The following TMOD1 variants were observed in gnomAD, a reference collection of about 807,000 sequenced individuals.
TMOD1 encodes tropomodulin 1.
TMOD1 carries 17 observed loss-of-function variants against 40.6 expected under a neutral mutation model. The observed-to-expected ratio is 0.42, with a 90% CI of 0.29 to 0.63. The LOEUF (loss-of-function observed/expected upper bound fraction) is 0.63, where lower values mean the gene tolerates loss of function less well. Ranked by LOEUF, TMOD1 falls within the 20% of genes least tolerant of loss-of-function variation. The pLI, the probability that TMOD1 is intolerant of heterozygous loss-of-function variation, is 0.22. For synonymous variants in TMOD1, 181 were observed against 175.0 expected (o/e 1.03, Z -0.27); for missense variants, 391 against 447.6 (o/e 0.87, Z 1.14).
upstream of TMOD1, chr9:97,501,243 G>C (rs769277297): frequency 3.3e-5 from 5 of 152,192 alleles, no homozygotes; most frequent in African/African-American, 1.2e-4. Context: ...GCTGGGAAAC[G>C]GACGGAGCGG....
intron 1 of TMOD1, among the ~76,000 whole-genome samples, chr9:97,511,185 T>C (rs1829692311): frequency 6.6e-6 from 1 of 152,144 alleles, no homozygotes; most frequent in African/African-American, 2.4e-5. Context: ...TGTTCTGGGA[T>C]GAAGCTCATA....
chr9:97,511,957 A>G (rs921006194), intron 1 of TMOD1, among the ~76,000 whole-genome samples: 1 of 152,192 alleles, frequency 6.6e-6, no homozygotes, highest in African/African-American at 2.4e-5. Context: ...TAATTTCAAT[A>G]AATCTATGTC....
At chr9:97,571,388 C>G (rs1242248082) in intron 8 of TMOD1, among the ~76,000 whole-genome samples, 1 of 152,224 alleles carries the variant, frequency 6.6e-6, no homozygotes, top group African/African-American at 2.4e-5. Flanking sequence ...CCCTGAGCCT[C>G]CGTTTCCTGG....
chr9:97,529,284 A>T (rs1309634012), intron 2 of TMOD1, among the ~76,000 whole-genome samples: 1 of 152,052 alleles, frequency 6.6e-6, no homozygotes, highest in African/African-American at 2.4e-5. Context: ...CCTTCTTTGG[A>T]TCTCAATTTT....
Position 97,557,445 on chromosome 9 carries a change from C to G in TMOD1, c.397+4045C>G, listed in dbSNP as rs775424731. On this transcript the variant is annotated intron_variant, in intron 4 of 9. Transcript: ENST00000259365. The surrounding 1 kb of genome is among the most constrained non-coding windows in gnomAD (Gnocchi z 4.4). ...ACTCATCGTTTAGATGGGACAGCCT[C>G]GGGCCACTCACCCCCAAGGGCAGTT... 6.6e-6 allele frequency among the ~76,000 whole-genome samples: 1 copy of G among 152,152 alleles called. No individual in the cohort carries two copies.
intron 1 of TMOD1, among the ~76,000 whole-genome samples, chr9:97,506,415 C>T (rs557494078): frequency 2.0e-5 from 3 of 152,086 alleles, no homozygotes; most frequent in Non-Finnish European, 4.4e-5. Context: ...GGCTGACCAC[C>T]GAATGAATGA....
intron 8 of TMOD1, among the ~76,000 whole-genome samples, chr9:97,582,776 T>C (rs1481868639): frequency 7.8e-6 from 1 of 128,204 alleles, no homozygotes; most frequent in Admixed American, 8.1e-5. Context: ...TGAATGGGAG[T>C]TCACTCATGA....
chr9:97,561,167 A>G (rs571321899), intron 4 of TMOD1, among the ~76,000 whole-genome samples: 87 of 152,330 alleles, frequency 5.7e-4, no homozygotes, highest in Non-Finnish European at 1.1e-3. Flanking sequence ...CTCTGTAGTG[A>G]GTTCTCAACA....
intron 8 of TMOD1, among the ~76,000 whole-genome samples, chr9:97,577,500 A>G (rs1462402534): frequency 6.6e-6 from 1 of 152,212 alleles, no homozygotes; most frequent in East Asian, 1.9e-4. Flanking sequence ...TAAAATGAAA[A>G]TAATGAGGAT....
intron 3 of TMOD1, among the ~76,000 whole-genome samples, chr9:97,552,500 C>T (rs1830469991): frequency 6.6e-6 from 1 of 152,224 alleles, no homozygotes; most frequent in Non-Finnish European, 1.5e-5. Context: ...GGATTTTACT[C>T]ACTGCTGTCC....
At chr9:97,543,003 C>G (rs868471736) in intron 2 of TMOD1, among the ~76,000 whole-genome samples, 18 of 152,178 alleles carry the variant, frequency 1.2e-4, no homozygotes, top group African/African-American at 3.6e-4. Context: ...GTGGCCTCCA[C>G]AACAAGGAAG....
Position 97,524,294 on chromosome 9 carries a change from G to A in TMOD1, c.106G>A (p.Glu36Lys), listed in dbSNP as rs769977999. The change falls in exon 2 of 10, where the codon GAG (glutamate) becomes AAG (lysine). Residue 36 changes from glutamate to lysine, a missense_variant. Transcript: ENST00000259365. ...ELRTLENELD[E>K]LDPDNALLPA... Reference sequence around the variant, plus strand: ...GAGGACCCTGGAAAATGAGCTGGATGAGCTGGACCCTGATGTGAGTAGGTG... The same window carrying A: ...GAGGACCCTGGAAAATGAGCTGGATAAGCTGGACCCTGATGTGAGTAGGTG... 1.9e-6 allele frequency: 3 copies of A among 1,614,096 alleles called. No individual in the cohort carries two copies. The East Asian group carries it at 6.7e-5, about 36-fold the overall frequency.
intron 2 of TMOD1, among the ~76,000 whole-genome samples, chr9:97,528,291 G>A (rs1830047418): frequency 6.6e-6 from 1 of 152,192 alleles, no homozygotes. Context: ...GCTCCAGAGT[G>A]TGTGCACCTC....
chr9:97,590,350 A>G (rs1198126927), intron 8 of TMOD1, among the ~76,000 whole-genome samples: 1 of 151,860 alleles, frequency 6.6e-6, no homozygotes, highest in Non-Finnish European at 1.5e-5. Context: ...CAGCCTCCCA[A>G]GTAGCTGGGA....
At chr9:97,511,495 G>T (rs1456430377) in intron 1 of TMOD1, among the ~76,000 whole-genome samples, 1 of 152,150 alleles carries the variant, frequency 6.6e-6, no homozygotes, top group East Asian at 1.9e-4. Context: ...CTCATCTAGG[G>T]CTCTGCCATC....
Position 97,510,974 on chromosome 9 carries a change from T to C in TMOD1, c.-49+9171T>C, listed in dbSNP as rs543864496. On this transcript the variant is annotated intron_variant, in intron 1 of 9. Transcript: ENST00000259365. ...AGACAGGGAGATGTCTTCAGACTCTTTTCCTGGAACCCTGTTGCTTACAGA... is the reference window on the plus strand; with the variant it reads ...AGACAGGGAGATGTCTTCAGACTCTCTTCCTGGAACCCTGTTGCTTACAGA... 2.0e-5 allele frequency among the ~76,000 whole-genome samples: 3 copies of C among 152,110 alleles called. No individual in the cohort carries two copies. The South Asian group carries it at 6.2e-4, about 32-fold the overall frequency.
intron 8 of TMOD1, among the ~76,000 whole-genome samples, chr9:97,583,532 G>C (rs1426212712): frequency 6.7e-6 from 1 of 150,288 alleles, no homozygotes; most frequent in East Asian, 1.9e-4. Flanking sequence ...AGTTAGGGAG[G>C]ATTCCGTCTT....
chr9:97,511,918 C>T (rs1243807939), intron 1 of TMOD1, among the ~76,000 whole-genome samples: 1 of 152,136 alleles, frequency 6.6e-6, no homozygotes, highest in Non-Finnish European at 1.5e-5. Context: ...TAGAAAGTTC[C>T]TTGTGCTGAT....
chr9:97,582,944 A>C (rs1825788428), intron 8 of TMOD1, among the ~76,000 whole-genome samples: 3 of 151,646 alleles, frequency 2.0e-5, no homozygotes, highest in African/African-American at 7.3e-5. Flanking sequence ...TGTCGTCTGC[A>C]AACAGGGACA....
Sources: allele counts gnomAD v4.1 joint callset (sites outside exome capture counted in the v4.1 genomes callset), GRCh38; gene constraint gnomAD v4.1.1; non-coding constraint Gnocchi (gnomAD v3.1); transcripts MANE v1.5; gene names NCBI Gene and HGNC (gene_info 2026-07-23, HGNC 2026-07-21).